POLR2B: variants seen among roughly 807,000 people sequenced by gnomAD.
POLR2B encodes DNA-directed RNA polymerase II subunit RPB2.
A neutral mutation model predicts 144.6 loss-of-function variants in POLR2B; 57 were observed. The ratio of observed to expected loss-of-function variants is 0.39; its 90% CI spans 0.32 to 0.49. The LOEUF is 0.49. Among genes scored for constraint, POLR2B ranks in the 20% least tolerant of loss-of-function variants. The pLI is 0.83. For synonymous variants in POLR2B, 442 were observed against 469.8 expected (o/e 0.94, Z 0.77); for missense variants, 595 against 1,467.4 (o/e 0.41, Z 9.71).
Position 57,022,224 on chromosome 4 carries a change from G to T in POLR2B, c.2493G>T (p.Lys831Asn). 6.2e-7 allele frequency: 1 copy of T among 1,606,536 alleles called. No homozygotes were observed. The highest frequency in any genetic ancestry group is 8.5e-7 in the Non-Finnish European group (1 of 1,173,372). Residue 831 changes from lysine (K) to asparagine (N), a missense_variant, in exon 18 of 25, where the codon AAG becomes AAT. Around this residue, in one of 9 missense-constraint regions of POLR2B, gnomAD observed 75 missense variants for 100.0 expected, o/e 0.75. Transcript: ENST00000314595. ...TTGATCAAGAAGAAGTTTTTGAGAA[G>T]CCTACACGTGAAACATGCCAGGGTA... is the stretch of plus-strand genomic sequence containing the variant. Reference protein sequence around the residue: ...KGFDQEEVFEKPTRETCQGMR... With the variant: ...KGFDQEEVFENPTRETCQGMR...
intron 2 of POLR2B, among the ~76,000 whole-genome samples, chr4:56,989,690 T>C (rs1440581841): frequency 6.6e-6 from 1 of 152,150 alleles, no homozygotes; most frequent in Non-Finnish European, 1.5e-5. Flanking sequence ...TCACAAGATA[T>C]AGGAGTGGAG....
At chr4:56,999,202 T>C (rs1027490004) in intron 6 of POLR2B, among the ~76,000 whole-genome samples, 2 of 128,048 alleles carry the variant, frequency 1.6e-5, no homozygotes, top group Admixed American at 9.7e-5. Context: ...TTTGTCTATC[T>C]GTATTGTCTC....
intron 2 of POLR2B, among the ~76,000 whole-genome samples, chr4:56,987,338 A>G (rs1175400627): frequency 2.6e-5 from 4 of 152,208 alleles, no homozygotes; most frequent in Admixed American, 2.6e-4. Context: ...TTGTATAGGT[A>G]AGAAAAGTAA....
chr4:57,000,973 A>G (rs1173277533), intron 7 of POLR2B, among the ~76,000 whole-genome samples: 2 of 152,118 alleles, frequency 1.3e-5, no homozygotes, highest in African/African-American at 2.4e-5. Flanking sequence ...TAGGATTACA[A>G]CAATACTGTT....
At chr4:57,002,497 A>G (rs886141635) in intron 7 of POLR2B, among the ~76,000 whole-genome samples, 2 of 152,164 alleles carry the variant, frequency 1.3e-5, no homozygotes, top group Non-Finnish European at 2.9e-5. Flanking sequence ...TTTTCTTCCA[A>G]AAGTACATTA....
intron 1 of POLR2B, among the ~76,000 whole-genome samples, chr4:56,983,931 C>G (rs1722237560): frequency 6.6e-6 from 1 of 150,946 alleles, no homozygotes; most frequent in Non-Finnish European, 1.5e-5. Context: ...GTGGCGTGAT[C>G]TCGGCTCATT....
At position 56,986,400 on chromosome 4, in the gene POLR2B, G is replaced by A; in HGVS notation, c.66G>A (p.Trp22Ter). 6.2e-7 allele frequency: 1 copy of A among 1,612,658 alleles called. No individual in the cohort carries two copies. The highest frequency in any genetic ancestry group is 8.5e-7 in the Non-Finnish European group (1 of 1,178,784). Residue 22 changes from tryptophan (W) to a stop codon, truncating the protein, a stop_gained, in exon 2 of 25, where the codon TGG becomes TGA. Coordinates refer to ENST00000314595, the MANE Select transcript of POLR2B (RefSeq NM_000938.3). LOFTEE classifies it high-confidence loss of function. ...ATGATGAAATCACCCCGGATTTGTG[G>A]CAAGAAGCATGCTGGATTGTAATCA... Reference protein sequence around the residue: ...EDDDEITPDLWQEACWIVISS... With the variant: ...EDDDEITPDL
At chr4:57,013,710 C>T (rs1445248286) in intron 13 of POLR2B, among the ~76,000 whole-genome samples, 1 of 152,022 alleles carries the variant, frequency 6.6e-6, no homozygotes, top group Non-Finnish European at 1.5e-5. Context: ...AGGTTTTGTT[C>T]ATCACACAGT....
chr4:57,007,282 T>TG (rs1723049929), intron 10 of POLR2B, among the ~76,000 whole-genome samples: 1 of 151,932 alleles, frequency 6.6e-6, no homozygotes, highest in Non-Finnish European at 1.5e-5. Context: ...TGGTGGTGGG[T>TG]GTCTGTAATC....
intron 3 of POLR2B, among the ~76,000 whole-genome samples, chr4:56,993,292 G>C (rs1024792826): frequency 6.6e-6 from 1 of 152,122 alleles, no homozygotes; most frequent in East Asian, 1.9e-4. Context: ...GACAGAGTGA[G>C]ACCCTGTCTC....
At position 56,995,326 on chromosome 4, in the gene POLR2B, A is replaced by G; in HGVS notation, c.652A>G (p.Thr218Ala). Residue 218 changes from threonine (T) to alanine (A), a missense_variant, in exon 6 of 25, where the codon ACA becomes GCA. By Grantham distance (58) the Thr-to-Ala change is moderately conservative. Around this residue, in one of 9 missense-constraint regions of POLR2B, gnomAD observed 251 missense variants for 567.3 expected, o/e 0.44. Coordinates refer to ENST00000314595, the MANE Select transcript of POLR2B (RefSeq NM_000938.3). ...CAAAAAGGATTCTAAATATGCCTAC[A>G]CAGGAGAGTGTAGATCATGTCTTGA... ...FAKKDSKYAY[T>A]GECRSCLENS... 2 of 1,612,746 alleles carry G rather than the reference A, an allele frequency of 1.2e-6. No individual in the cohort carries two copies. The highest frequency in any genetic ancestry group is 1.7e-6 in the Non-Finnish European group (2 of 1,178,744).
chr4:56,997,785 T>C (rs1722734787), intron 6 of POLR2B, among the ~76,000 whole-genome samples: 1 of 152,170 alleles, frequency 6.6e-6, no homozygotes, highest in East Asian at 1.9e-4. Context: ...AAGGTTCACC[T>C]CAATAACCTA....
rs753001608 is a variant in POLR2B, at chr4:57,006,799, A to G, written c.1218-17A>G. The G allele has an allele frequency of 6.3e-7, 1 of 1,581,016 alleles. No homozygotes were observed. Among genetic ancestry groups the G allele is most frequent in the East Asian group, 2.2e-5 (1 of 44,680 alleles). On this transcript the variant is annotated splice_polypyrimidine_tract_variant and intron_variant, in intron 9 of 24. Transcript: ENST00000314595. The stretch of plus-strand genomic sequence containing the variant: ...TAGACCTCTACATGTTTAAAATAAT[A>G]CCATTTTATTCGGCAGTATGTTTAA...
chr4:57,027,968 T>A (rs1723778682), intron 23 of POLR2B, among the ~76,000 whole-genome samples: 2 of 152,208 alleles, frequency 1.3e-5, no homozygotes, highest in Non-Finnish European at 2.9e-5. Context: ...AAATTCTGAT[T>A]TTTGCTTGAA....
At chr4:57,025,207 C>T (rs1723675522) in intron 22 of POLR2B, among the ~76,000 whole-genome samples, 170 bp from the exon 23 acceptor site, 1 of 152,126 alleles carries the variant, frequency 6.6e-6, no homozygotes, top group Non-Finnish European at 1.5e-5. Flanking sequence ...CTTTTTTAGT[C>T]GCTACCTTTC....
Position 56,994,499 on chromosome 4 carries a change from T to G in POLR2B, c.339T>G (p.Ala113=). The change falls in exon 4 of 25, where the codon GCT becomes GCG. Residue 113 remains alanine, a synonymous_variant. Transcript: ENST00000314595. The part of the protein sequence containing the change: ...GAPSPMMPNE[A]RLRNLTYSAP... ...CTTCACCAATGATGCCCAATGAAGCTAGATTAAGGAATCTCACGTAAGAAA... is the reference window on the plus strand; with the variant it reads ...CTTCACCAATGATGCCCAATGAAGCGAGATTAAGGAATCTCACGTAAGAAA... 6.3e-7 allele frequency: 1 copy of G among 1,587,718 alleles called. No individual in the cohort carries two copies.
At chr4:57,011,515 G>T (rs569266134) in intron 13 of POLR2B, among the ~76,000 whole-genome samples, 76 of 149,602 alleles carry the variant, frequency 5.1e-4, no homozygotes, top group African/African-American at 1.8e-3. Flanking sequence ...GTGACAGAGT[G>T]GGTCTCTGTC....
At chr4:56,990,232 T>A (rs1338699028) in intron 2 of POLR2B, among the ~76,000 whole-genome samples, 1 of 151,230 alleles carries the variant, frequency 6.6e-6, no homozygotes, top group African/African-American at 2.4e-5. Flanking sequence ...GGCATAAAGT[T>A]TTTTTTTTTC....
At chr4:56,983,933 C>T (rs28742085) in intron 1 of POLR2B, among the ~76,000 whole-genome samples, 3,818 of 151,516 alleles carry the variant, frequency 0.025, 80 homozygotes, top group Non-Finnish European at 0.039. Context: ...GGCGTGATCT[C>T]GGCTCATTGC....
Sources: allele counts gnomAD v4.1 joint callset (sites outside exome capture counted in the v4.1 genomes callset), GRCh38; gene constraint gnomAD v4.1.1; regional missense constraint gnomAD v4.1.1; transcripts MANE v1.5; gene names NCBI Gene and HGNC (gene_info 2026-07-23, HGNC 2026-07-21).